The following HS6ST3 variants were observed in gnomAD, a reference collection of about 807,000 sequenced individuals.
The protein encoded by HS6ST3 is heparan sulfate 6-O-sulfotransferase 3.
HS6ST3 carries 12 observed loss-of-function variants against 36.7 expected under a neutral mutation model. That is an observed-to-expected ratio of 0.33 (90% CI 0.21 to 0.53). The LOEUF is 0.53. HS6ST3 is among the 20% of genes least tolerant of loss of function. The pLI is 0.95. For missense variants in HS6ST3, 584 were observed against 640.9 expected, an observed-to-expected ratio of 0.91 and a Z score of 0.96; for synonymous variants, 240 against 257.5, an observed-to-expected ratio of 0.93 and a Z score of 0.65.
At chr13:96,389,415 G>T (rs1003317199) in intron 1 of HS6ST3, among the ~76,000 whole-genome samples, 1 of 151,996 alleles carries the variant, frequency 6.6e-6, no homozygotes, top group African/African-American at 2.4e-5. Context: ...AACCTCATAG[G>T]TTGGAAATAA....
chr13:96,284,190 A>T (rs1446526735), intron 1 of HS6ST3, among the ~76,000 whole-genome samples: 4 of 152,080 alleles, frequency 2.6e-5, no homozygotes, highest in Non-Finnish European at 4.4e-5. Context: ...GTTGTGTATG[A>T]GTCAGGGTTC....
rs544211371 is a variant in HS6ST3, at chr13:96,361,870, CT to C, written c.707+270303del. Among the ~76,000 whole-genome samples, 11 of 152,288 alleles carry C rather than the reference CT, an allele frequency of 7.2e-5. No individual in the cohort carries two copies. In the South Asian group the frequency reaches 2.3e-3, roughly 32 times the overall value. On this transcript the variant is annotated intron_variant, in intron 1 of 1. Transcript: ENST00000376705. Reference sequence around the variant, plus strand: ...TCTCTTGTTTGAAAAACATTACAATCTTATTTTTTATGATTTTCTAGATCAG... The same window carrying C: ...TCTCTTGTTTGAAAAACATTACAATCTATTTTTTATGATTTTCTAGATCAG...
At chr13:96,744,732 C>T (rs1005137856) in intron 1 of HS6ST3, among the ~76,000 whole-genome samples, 4 of 152,026 alleles carry the variant, frequency 2.6e-5, no homozygotes, top group Admixed American at 6.6e-5. Context: ...GAGCTTTCTG[C>T]GGTGGCAGGG....
At chr13:96,237,385 C>T (rs1187226385) in intron 1 of HS6ST3, among the ~76,000 whole-genome samples, 1 of 152,094 alleles carries the variant, frequency 6.6e-6, no homozygotes, top group Non-Finnish European at 1.5e-5. Flanking sequence ...TCTCCTCCCC[C>T]TTCTATTGCC....
At chr13:96,386,984 G>A (rs9300349) in intron 1 of HS6ST3, among the ~76,000 whole-genome samples, 127,570 of 152,042 alleles carry the variant, frequency 0.84, 53,936 homozygotes, top group South Asian at 0.91. Flanking sequence ...GCTGGAGTGC[G>A]GTGGCATGAC....
At chr13:96,322,418 G>T (rs2055008994) in intron 1 of HS6ST3, among the ~76,000 whole-genome samples, 1 of 151,488 alleles carries the variant, frequency 6.6e-6, no homozygotes, top group South Asian at 2.1e-4. Flanking sequence ...TTATCCAGGT[G>T]TGGTGGTTCA....
At chr13:96,799,720 A>G (rs1266198825) in intron 1 of HS6ST3, among the ~76,000 whole-genome samples, 1 of 151,110 alleles carries the variant, frequency 6.6e-6, no homozygotes, top group Non-Finnish European at 1.5e-5. Context: ...AGCATGGCAC[A>G]TGTATACATA....
At chr13:96,606,641 T>A (rs1442150165) in intron 1 of HS6ST3, among the ~76,000 whole-genome samples, 2 of 129,616 alleles carry the variant, frequency 1.5e-5, no homozygotes, top group African/African-American at 5.7e-5. Flanking sequence ...GAGGGAGGGC[T>A]GAGGGACTGC....
chr13:96,490,648 A>G (rs2138905252), intron 1 of HS6ST3, among the ~76,000 whole-genome samples: 2 of 152,288 alleles, frequency 1.3e-5, no homozygotes, highest in East Asian at 3.9e-4. Context: ...ATTGCATTTC[A>G]TGGTTCTGAT....
chr13:96,407,071 A>G (rs1014812796), intron 1 of HS6ST3, among the ~76,000 whole-genome samples: 4 of 152,230 alleles, frequency 2.6e-5, no homozygotes, highest in Admixed American at 1.3e-4. Context: ...ATATCATTTT[A>G]CGGGATTTGA....
At chr13:96,448,427 A>G (rs1164596) in intron 1 of HS6ST3, among the ~76,000 whole-genome samples, 100,334 of 152,010 alleles carry the variant, frequency 0.66, 34,223 homozygotes, top group African/African-American at 0.83. Flanking sequence ...ATACTAAACC[A>G]AATGCACCGC....
At chr13:96,322,612 AT>A (rs149485142) in intron 1 of HS6ST3, among the ~76,000 whole-genome samples, 3,825 of 152,118 alleles carry the variant, frequency 0.025, 161 homozygotes, top group African/African-American at 0.089. Context: ...ATAAAATGCA[AT>A]TTTTTTCTCC....
At chr13:96,729,704 TGATACCC>T (rs1390835107) in intron 1 of HS6ST3, among the ~76,000 whole-genome samples, 18 of 152,052 alleles carry the variant, frequency 1.2e-4, no homozygotes, top group Non-Finnish European at 1.8e-4. Context: ...TGGCCTCAAG[TGATACCC>T]GACTTTGGCT....
chr13:96,825,089 T>C (rs1255706255), intron 1 of HS6ST3, among the ~76,000 whole-genome samples: 1 of 152,176 alleles, frequency 6.6e-6, no homozygotes, highest in Non-Finnish European at 1.5e-5. Flanking sequence ...TCCTACCTGA[T>C]CTGGTTTTTA....
intron 1 of HS6ST3, among the ~76,000 whole-genome samples, chr13:96,511,741 A>T (rs2056050714): frequency 6.6e-6 from 1 of 151,994 alleles, no homozygotes; most frequent in Admixed American, 6.6e-5. Context: ...AATCAAATCC[A>T]TCAGTGTTGG....
intron 1 of HS6ST3, among the ~76,000 whole-genome samples, chr13:96,671,311 A>T (rs2056681947): frequency 6.6e-6 from 1 of 152,130 alleles, no homozygotes; most frequent in South Asian, 2.1e-4. Context: ...TATTTCAAAG[A>T]TGGCTCATTT....
At chr13:96,336,206 A>C (rs1309550758) in intron 1 of HS6ST3, among the ~76,000 whole-genome samples, 1 of 152,210 alleles carries the variant, frequency 6.6e-6, no homozygotes, top group Non-Finnish European at 1.5e-5. Flanking sequence ...GACTTTTAAC[A>C]GAAAAGTAAT....
intron 1 of HS6ST3, among the ~76,000 whole-genome samples, chr13:96,316,944 C>T (rs1335288687): frequency 6.6e-6 from 1 of 152,054 alleles, no homozygotes; most frequent in African/African-American, 2.4e-5. Flanking sequence ...GAAAATAGCA[C>T]AGTGTTGATC....
At chr13:96,656,054 C>A (rs1286560331) in intron 1 of HS6ST3, among the ~76,000 whole-genome samples, 1 of 152,156 alleles carries the variant, frequency 6.6e-6, no homozygotes, top group Admixed American at 6.6e-5. Flanking sequence ...ATAATCCCCT[C>A]AAGAGCTTCC....
Sources: allele counts gnomAD v4.1 joint callset (sites outside exome capture counted in the v4.1 genomes callset), GRCh38; gene constraint gnomAD v4.1.1; transcripts MANE v1.5; gene names NCBI Gene and HGNC (gene_info 2026-07-23, HGNC 2026-07-21).